The following BASP1 variants were observed in gnomAD, a reference collection of about 807,000 sequenced individuals.
BASP1 encodes brain abundant membrane attached signal protein 1.
Under a neutral mutation model 2.2 loss-of-function variants are expected in BASP1, and 1 was observed. That is an observed-to-expected ratio of 0.46 (90% CI 0.16 to 2.17). The LOEUF is 2.17. Ranked by LOEUF, BASP1 falls within the 30% of genes most tolerant of loss-of-function variation. The pLI is 0.27. For missense variants in BASP1, 352 were observed against 327.2 expected (o/e 1.08, Z -0.58); for synonymous variants, 187 against 154.2 (o/e 1.21, Z -1.58).
intron 1 of BASP1, among the ~76,000 whole-genome samples, chr5:17,242,441 C>CA (rs1739882591): frequency 6.6e-6 from 1 of 151,618 alleles, no homozygotes; most frequent in Admixed American, 6.6e-5. Flanking sequence ...TCATTATCAA[C>CA]ATCCCCCAGC....
intron 1 of BASP1, among the ~76,000 whole-genome samples, chr5:17,218,723 GC>G (rs923816350): frequency 6.6e-6 from 1 of 151,994 alleles, no homozygotes; most frequent in African/African-American, 2.4e-5. Flanking sequence ...GAAACCCGGC[GC>G]CCGGTTCCTG....
chr5:17,217,236 G>T (rs1468350759), upstream of BASP1, among the ~76,000 whole-genome samples: 1 of 99,790 alleles, frequency 1.0e-5, no homozygotes, highest in Non-Finnish European at 2.0e-5. Context: ...AAACGTTGGC[G>T]GGGCACAGAG....
rs542776821 is a variant in BASP1 at position 17,276,733 on chromosome 5, A to G, written c.*833A>G. On this transcript the variant is annotated 3_prime_UTR_variant, in exon 2 of 2. Transcript: ENST00000322611. ...ACACCACTCATTGGAAAATGGAAAAAAAAAACAAAAAAAAAACAAAAAAAT... is the reference window on the plus strand; with the variant it reads ...ACACCACTCATTGGAAAATGGAAAAGAAAAACAAAAAAAAAACAAAAAAAT... 1 of 83,248 alleles carries G rather than the reference A, an allele frequency of 1.2e-5. No individual in the cohort carries two copies. 5.2% of individuals were successfully genotyped at this position (83,248 alleles called of 1,614,324 possible). A position where few individuals can be genotyped will look rare whatever the true frequency, so the allele number is the denominator to read the frequency against.
intron 1 of BASP1, among the ~76,000 whole-genome samples, chr5:17,226,686 A>G (rs907248863): frequency 1.3e-5 from 2 of 152,194 alleles, no homozygotes; most frequent in Admixed American, 1.3e-4. Context: ...CAGCTATTTC[A>G]TTAGAGGATC....
chr5:17,258,424 G>C (rs1740255643), intron 1 of BASP1, among the ~76,000 whole-genome samples: 1 of 152,124 alleles, frequency 6.6e-6, no homozygotes, highest in African/African-American at 2.4e-5. Flanking sequence ...GGTGTTACCT[G>C]GTCAACTTGG....
At chr5:17,224,047 G>A (rs1037312162) in intron 1 of BASP1, among the ~76,000 whole-genome samples, 2 of 152,146 alleles carry the variant, frequency 1.3e-5, no homozygotes, top group South Asian at 2.1e-4. Context: ...TAGAAATCAG[G>A]AACTCTGAAC....
chr5:17,255,878 G>GC (rs1740200576), intron 1 of BASP1, among the ~76,000 whole-genome samples: 1 of 152,148 alleles, frequency 6.6e-6, no homozygotes, highest in Non-Finnish European at 1.5e-5. Context: ...GCTGTCACCA[G>GC]TATATTTCAT....
In BASP1 at chr5:17,275,948, TC is replaced by T; in HGVS notation, c.*49del. 4.7e-6 allele frequency: 2 copies of T among 425,482 alleles called. No homozygotes were observed. Among genetic ancestry groups the T allele is most frequent in the Non-Finnish European group, 3.1e-6 (1 of 321,624 alleles). 26.4% of individuals were successfully genotyped at this position (425,482 alleles called of 1,614,324 possible). A position where few individuals can be genotyped will look rare whatever the true frequency, so the allele number is the denominator to read the frequency against. Reference sequence around the variant, plus strand: ...CAATACCACTTAAAACAATCTCCTCTCTCTCTCTCTCTCTCTCTCTCTATCT... The same window carrying T: ...CAATACCACTTAAAACAATCTCCTCTTCTCTCTCTCTCTCTCTCTCTATCT... On this transcript the variant is annotated 3_prime_UTR_variant, in exon 2 of 2. Transcript: ENST00000322611. This position sits in a 1 kb window ranked among gnomAD's most constrained non-coding sequence, Gnocchi z 5.3.
chr5:17,228,530 A>T (rs1489269873), intron 1 of BASP1, among the ~76,000 whole-genome samples: 1 of 152,368 alleles, frequency 6.6e-6, no homozygotes, highest in East Asian at 1.9e-4. Flanking sequence ...AACAAGCTTC[A>T]TATCTCTCCA....
chr5:17,234,873 T>C (rs895189510), intron 1 of BASP1, among the ~76,000 whole-genome samples: 2 of 152,222 alleles, frequency 1.3e-5, no homozygotes, highest in African/African-American at 4.8e-5. Flanking sequence ...ATGTGAGATA[T>C]TCCAGTGAGA....
At chr5:17,232,262 C>T (rs140806578) in intron 1 of BASP1, among the ~76,000 whole-genome samples, 275 of 152,308 alleles carry the variant, frequency 1.8e-3, no homozygotes, top group African/African-American at 6.4e-3. Flanking sequence ...GGTTACACTC[C>T]TCGTCTGTCC....
rs1740605637 is a variant in BASP1 at position 17,275,126 on chromosome 5, T to C, written c.-9-82T>C. On this transcript the variant is annotated intron_variant, in intron 1 of 1. Transcript: ENST00000322611. This position sits in a 1 kb window ranked among gnomAD's most constrained non-coding sequence, Gnocchi z 5.3. ...TGCAGTGCAGCAGGCCCAGAACCCC[T>C]TGCTTTGCAAAATGCAGCTTTTTGT... 5 of 1,418,116 alleles carry C rather than the reference T, an allele frequency of 3.5e-6. No individual in the cohort carries two copies. The highest frequency in any genetic ancestry group is 1.4e-5 in the African/African-American group (1 of 70,346). 87.8% of individuals were successfully genotyped at this position (1,418,116 alleles called of 1,614,324 possible).
In BASP1 at chr5:17,275,174, C is replaced by G. The variant is rs927194295; in HGVS notation, c.-9-34C>G. 3 of 1,604,706 alleles carry G rather than the reference C, an allele frequency of 1.9e-6. No homozygotes were observed. The highest frequency in any genetic ancestry group is 2.6e-6 in the Non-Finnish European group (3 of 1,174,638). ...TGTGGTCCCCACACTTGCCTAGTAACCGCCGTTTTGTTTTGTTTTGTGTTT... is the reference window on the plus strand; with the variant it reads ...TGTGGTCCCCACACTTGCCTAGTAAGCGCCGTTTTGTTTTGTTTTGTGTTT... On this transcript the variant is annotated intron_variant, in intron 1 of 1. Coordinates refer to ENST00000322611, the MANE Select transcript of BASP1 (RefSeq NM_006317.5). This position sits in a 1 kb window ranked among gnomAD's most constrained non-coding sequence, Gnocchi z 5.3.
chr5:17,272,561 G>A (rs1184279412), intron 1 of BASP1, among the ~76,000 whole-genome samples: 1 of 152,160 alleles, frequency 6.6e-6, no homozygotes, highest in African/African-American at 2.4e-5. Context: ...AGATGTTGTA[G>A]GCAAGGTCTT....
intron 1 of BASP1, among the ~76,000 whole-genome samples, chr5:17,223,587 A>G (rs1739432912): frequency 6.6e-6 from 1 of 152,204 alleles, no homozygotes; most frequent in African/African-American, 2.4e-5. Flanking sequence ...CTAAGTTTCA[A>G]AAGTGGGTAG....
intron 1 of BASP1, among the ~76,000 whole-genome samples, chr5:17,219,818 G>T (rs543063513): frequency 2.4e-4 from 37 of 152,312 alleles, no homozygotes; most frequent in Non-Finnish European, 5.0e-4. Context: ...GATTCCAAAA[G>T]GCGAATGGCG....
intron 1 of BASP1, among the ~76,000 whole-genome samples, chr5:17,254,603 G>A (rs752992821): frequency 1.3e-5 from 2 of 152,194 alleles, no homozygotes; most frequent in Non-Finnish European, 2.9e-5. Context: ...CAACGGATCT[G>A]CAGTGCATCA....
chr5:17,253,186 C>A (rs1740135087), intron 1 of BASP1, among the ~76,000 whole-genome samples: 1 of 151,952 alleles, frequency 6.6e-6, no homozygotes, highest in Non-Finnish European at 1.5e-5. Context: ...AAGGACTTAT[C>A]TCTGTAATGA....
chr5:17,271,592 T>C (rs1328474742), intron 1 of BASP1, among the ~76,000 whole-genome samples: 3 of 152,218 alleles, frequency 2.0e-5, no homozygotes, highest in Admixed American at 6.5e-5. Flanking sequence ...TGTGGAGAAA[T>C]GCAAAGTCAG....
Sources: allele counts gnomAD v4.1 joint callset (sites outside exome capture counted in the v4.1 genomes callset), GRCh38; gene constraint gnomAD v4.1.1; non-coding constraint Gnocchi (gnomAD v3.1); transcripts MANE v1.5; gene names NCBI Gene and HGNC (gene_info 2026-07-23, HGNC 2026-07-21).